Variants in DPYD observed in about 807,000 individuals in gnomAD.
The protein encoded by DPYD is dihydropyrimidine dehydrogenase.
Under a neutral mutation model 116.2 loss-of-function variants are expected in DPYD, and 109 were observed. The ratio of observed to expected loss-of-function variants is 0.94; its 90% confidence interval spans 0.80 to 1.10. The LOEUF is 1.10. Ranked by LOEUF, DPYD falls within the 50% of genes least tolerant of loss-of-function variation. The probability of loss-of-function intolerance (pLI) is 0.00; values close to 1 mark genes in which losing one functional copy is unlikely to be tolerated. For missense variants in DPYD, 1,302 were observed against 1,254.5 expected (o/e 1.04, Z -0.57); for synonymous variants, 440 against 432.0 (o/e 1.02, Z -0.23).
chr1:97,688,973 T>A (rs1309915788), intron 7 of DPYD, among the ~76,000 whole-genome samples: 1 of 151,562 alleles, frequency 6.6e-6, no homozygotes, highest in Non-Finnish European at 1.5e-5. Context: ...TTTAAATTAA[T>A]AAAATGTATT....
intron 20 of DPYD, among the ~76,000 whole-genome samples, chr1:97,165,446 A>C (rs1557905329): frequency 6.6e-6 from 1 of 152,134 alleles, no homozygotes; most frequent in Non-Finnish European, 1.5e-5. Context: ...TTGAAGACTT[A>C]AATGTAAAAC....
At chr1:97,693,161 G>A (rs1661107614) in intron 6 of DPYD, among the ~76,000 whole-genome samples, 1 of 151,540 alleles carries the variant, frequency 6.6e-6, no homozygotes, top group Non-Finnish European at 1.5e-5. Context: ...CATAGTGGCG[G>A]GCACCTGTAG....
intron 5 of DPYD, among the ~76,000 whole-genome samples, chr1:97,714,060 A>G (rs766633693): frequency 1.3e-5 from 2 of 152,126 alleles, no homozygotes; most frequent in Admixed American, 6.6e-5. Context: ...TTTATTGATC[A>G]GTTTGTCAAA....
chr1:97,450,029 C>T (rs1379895949), intron 14 of DPYD, 30 bp downstream of exon 14: 2 of 1,613,344 alleles, frequency 1.2e-6, no homozygotes, highest in South Asian at 2.2e-5. Context: ...TATGCCAATT[C>T]TCTTGTTTTA....
chr1:97,822,822 T>A (rs1453802775), intron 3 of DPYD, among the ~76,000 whole-genome samples: 2 of 152,196 alleles, frequency 1.3e-5, no homozygotes, highest in African/African-American at 2.4e-5. Context: ...GTATTTTTTG[T>A]GAAATTTACA....
At chr1:97,403,548 T>C (rs1247338742) in intron 14 of DPYD, among the ~76,000 whole-genome samples, 1 of 152,048 alleles carries the variant, frequency 6.6e-6, no homozygotes, top group Admixed American at 6.6e-5. Context: ...TTTTGGCAGT[T>C]TCAAGGAATT....
intron 16 of DPYD, among the ~76,000 whole-genome samples, chr1:97,310,831 C>T (rs1481717109): frequency 6.6e-6 from 1 of 151,612 alleles, no homozygotes; most frequent in African/African-American, 2.4e-5. Context: ...AAAATAGGCC[C>T]AAATTTGACA....
intron 19 of DPYD, among the ~76,000 whole-genome samples, chr1:97,209,030 T>C (rs546203243): frequency 6.6e-6 from 1 of 152,250 alleles, no homozygotes; most frequent in African/African-American, 2.4e-5. Flanking sequence ...AGGACCAAAA[T>C]GATCATATCT....
chr1:97,608,310 T>C lies in DPYD; in HGVS notation c.851-13144A>G, dbSNP rs115289767. On this transcript the variant is annotated intron_variant, in intron 8 of 22. Transcript: ENST00000370192. The stretch of plus-strand genomic sequence containing the variant: ...AATATTTGTTTGATTAAAAACTACA[T>C]TTAGAAAATATTCTCTTACAATCTT... 4.6e-3 allele frequency among the ~76,000 whole-genome samples: 701 copies of C among 152,132 alleles called. 4 individuals are homozygous for C. The highest frequency in any genetic ancestry group is 0.016 in the African/African-American group (655 of 41,526).
At chr1:97,890,647 T>C (rs191632022) in intron 1 of DPYD, among the ~76,000 whole-genome samples, 1 of 152,034 alleles carries the variant, frequency 6.6e-6, no homozygotes, top group Non-Finnish European at 1.5e-5. Context: ...ATCTATTCAG[T>C]TTTCAACCAT....
intron 3 of DPYD, among the ~76,000 whole-genome samples, chr1:97,817,981 ACTTTT>A (rs996809886): frequency 3.0e-4 from 45 of 152,158 alleles, no homozygotes; most frequent in Middle Eastern, 3.4e-3. Context: ...TTAGCTCTGC[ACTTTT>A]CTTTGGTAGC....
intron 13 of DPYD, among the ~76,000 whole-genome samples, chr1:97,491,854 T>C (rs1395267109): frequency 6.6e-6 from 1 of 152,056 alleles, no homozygotes; most frequent in Non-Finnish European, 1.5e-5. Flanking sequence ...TTTTCCCCAA[T>C]AGTAGCAAAT....
intron 11 of DPYD, among the ~76,000 whole-genome samples, chr1:97,569,985 C>G (rs1245075929): frequency 2.0e-5 from 3 of 151,892 alleles, no homozygotes; most frequent in Non-Finnish European, 4.4e-5. Flanking sequence ...ACTATAATCC[C>G]AAACTCTTAT....
At chr1:97,664,460 A>G (rs1659443897) in intron 8 of DPYD, among the ~76,000 whole-genome samples, 1 of 151,976 alleles carries the variant, frequency 6.6e-6, no homozygotes, top group Non-Finnish European at 1.5e-5. Flanking sequence ...TATTTCAAAT[A>G]GTATTTTAAG....
Position 97,705,279 on chromosome 1 carries a change from C to T in DPYD, c.484-5732G>A, listed in dbSNP as rs1661863780. Reference sequence around the variant, plus strand: ...GTATATCTCCTAATGCTATCCCTCCCCGCTCCCCCCAACCAACAACAGTCC... The same window carrying T: ...GTATATCTCCTAATGCTATCCCTCCTCGCTCCCCCCAACCAACAACAGTCC... On this transcript the variant is annotated intron_variant, in intron 5 of 22. Transcript: ENST00000370192. 2.6e-5 allele frequency among the ~76,000 whole-genome samples: 4 copies of T among 152,138 alleles called. No homozygotes were observed. The South Asian group carries it at 6.2e-4, about 24-fold the overall frequency.
chr1:97,575,183 A>T (rs931107537), intron 10 of DPYD, among the ~76,000 whole-genome samples: 1 of 152,186 alleles, frequency 6.6e-6, no homozygotes, highest in African/African-American at 2.4e-5. Flanking sequence ...TGCACAGATG[A>T]TACTTTGTTA....
At chr1:97,390,145 C>T (rs1672614876) in intron 14 of DPYD, among the ~76,000 whole-genome samples, 1 of 152,046 alleles carries the variant, frequency 6.6e-6, no homozygotes, top group Admixed American at 6.6e-5. Context: ...CTTTTTAAAA[C>T]ACATTGACAA....
At chr1:97,393,510 T>C (rs1557681381) in intron 14 of DPYD, among the ~76,000 whole-genome samples, 1 of 151,916 alleles carries the variant, frequency 6.6e-6, no homozygotes, top group Non-Finnish European at 1.5e-5. Flanking sequence ...GTTCTCATTG[T>C]TCAGTTCCCA....
intron 10 of DPYD, among the ~76,000 whole-genome samples, chr1:97,589,926 A>G (rs1004937658): frequency 8.5e-5 from 13 of 152,206 alleles, no homozygotes; most frequent in African/African-American, 3.1e-4. Context: ...TAGGGGAGAC[A>G]GTGTAGGAGA....
Sources: gnomAD v4.1 joint callset for allele counts (sites outside exome capture counted in the v4.1 genomes callset) on GRCh38, gnomAD v4.1.1 for gene constraint, MANE v1.5 for transcripts, NCBI Gene and HGNC (gene_info 2026-07-23, HGNC 2026-07-21) for gene names.